KIF21B: variants seen among roughly 807,000 people sequenced by gnomAD.
KIF21B encodes kinesin family member 21B, also known as kinesin-like protein KIF21B.
A neutral mutation model predicts 192.9 loss-of-function variants in KIF21B; 85 were observed. The ratio of observed to expected loss-of-function variants is 0.44; its 90% CI spans 0.37 to 0.53. The LOEUF (loss-of-function observed/expected upper bound fraction) is 0.53, where lower values mean the gene tolerates loss of function less well. Among genes scored for constraint, KIF21B ranks in the 20% least tolerant of loss-of-function variants. The pLI is 0.00. For synonymous variants in KIF21B, 832 were observed against 884.6 expected (o/e 0.94, Z 1.05); for missense variants, 1,716 against 2,194.8 (o/e 0.78, Z 4.36).
intron 34 of KIF21B, chr1:200,974,341 G>A: frequency 1.1e-6 from 1 of 951,732 alleles, no homozygotes; most frequent in Non-Finnish European, 1.5e-6. Context: ...CCCACACAGG[G>A]GGCCAGAGCG....
chr1:201,002,093 G>C lies in KIF21B; in HGVS notation c.1402+68C>G, dbSNP rs936286553. Reference sequence around the variant, plus strand: ...TGGCTTAGTCCACCTGATACTCTGGGGTGGATGTCGGGGGAGGGAGTCCTA... The same window carrying C: ...TGGCTTAGTCCACCTGATACTCTGGCGTGGATGTCGGGGGAGGGAGTCCTA... On this transcript the variant is annotated intron_variant, in intron 9 of 34. Transcript: ENST00000461742. 22 of 1,380,916 alleles carry C rather than the reference G, an allele frequency of 1.6e-5. No individual in the cohort carries two copies. In the African/African-American group the frequency reaches 2.7e-4, roughly 17 times the overall value. 85.5% of individuals were successfully genotyped at this position (1,380,916 alleles called of 1,614,324 possible). A position where few individuals can be genotyped will look rare whatever the true frequency, so the allele number is the denominator to read the frequency against.
intron 1 of KIF21B, among the ~76,000 whole-genome samples, chr1:201,020,484 G>A (rs1432938082): frequency 6.6e-6 from 1 of 152,146 alleles, no homozygotes; most frequent in Non-Finnish European, 1.5e-5. Context: ...AGGGATCACA[G>A]GGCAGGCTGG....
At chr1:200,977,109 T>G in intron 31 of KIF21B, 103 bp downstream of exon 31, 3 of 1,369,054 alleles carry the variant, frequency 2.2e-6, no homozygotes, top group Admixed American at 2.0e-5. Context: ...ATAAAGGTGT[T>G]GCTGAGGTCC....
chr1:200,990,870 C>T lies in KIF21B; in HGVS notation c.2687+47G>A. The T allele has an allele frequency of 6.2e-7, 1 of 1,609,618 alleles. No individual in the cohort carries two copies. The highest frequency in any genetic ancestry group is 8.5e-7 in the Non-Finnish European group (1 of 1,176,386). On this transcript the variant is annotated intron_variant, in intron 18 of 34. Transcript: ENST00000461742. The surrounding 1 kb of genome is among the most constrained non-coding windows in gnomAD (Gnocchi z 5.4). The stretch of plus-strand genomic sequence containing the variant: ...CTCACCCTGGCCCTGCCCCATATTC[C>T]CACCCCCTCTGCCTGCACAGGCCAG...
chr1:200,977,414 A>C, intron 30 of KIF21B, 38 bp from the exon 31 acceptor site: 1 of 1,606,998 alleles, frequency 6.2e-7, no homozygotes, highest in Non-Finnish European at 8.5e-7. Flanking sequence ...AGGTCAAAAC[A>C]ATCCATGTGC....
chr1:201,000,067 G>A lies in KIF21B; in HGVS notation c.1686-103C>T. On this transcript the variant is annotated intron_variant, in intron 11 of 34. Transcript: ENST00000461742. The surrounding 1 kb of genome is among the most constrained non-coding windows in gnomAD (Gnocchi z 6.0). ...CAGAAAAGGAAGGCTCTCACCAGAGGCCGGGGAGAGCACTGGCTCCTACTC... is the reference window on the plus strand; with the variant it reads ...CAGAAAAGGAAGGCTCTCACCAGAGACCGGGGAGAGCACTGGCTCCTACTC... 9.8e-7 allele frequency: 1 copy of A among 1,019,946 alleles called. No homozygotes were observed. The highest frequency in any genetic ancestry group is 1.5e-6 in the Non-Finnish European group (1 of 659,270). The allele number at this position is 1,019,946 out of a possible 1,614,324, so 63.2% of individuals were successfully genotyped here. A position where few individuals can be genotyped will look rare whatever the true frequency, so the allele number is the denominator to read the frequency against.
rs371087544 is a variant in KIF21B, at chr1:200,973,361, T to C, written c.*160A>G. The stretch of plus-strand genomic sequence containing the variant: ...AGGCAGGGGAGGGATGAGGGAACAG[T>C]GTCCTGTGGGAAGGCCAAGGGAGAG... On this transcript the variant is annotated 3_prime_UTR_variant, in exon 35 of 35. Coordinates refer to ENST00000461742, the MANE Select transcript of KIF21B (RefSeq NM_001252102.2). 7.4e-6 allele frequency: 6 copies of C among 812,906 alleles called. No individual in the cohort carries two copies. The highest frequency in any genetic ancestry group is 5.9e-5 in the South Asian group (2 of 33,966). 50.4% of individuals were successfully genotyped at this position (812,906 alleles called of 1,614,324 possible).
intron 30 of KIF21B, among the ~76,000 whole-genome samples, chr1:200,978,451 T>G (rs1655709821): frequency 6.6e-6 from 1 of 151,654 alleles, no homozygotes; most frequent in South Asian, 2.1e-4. Context: ...ATGCCCCTGC[T>G]CCCACACAGG....
Position 200,973,412 on chromosome 1 carries a change from G to A in KIF21B, c.*109C>T, listed in dbSNP as rs1168763159. On this transcript the variant is annotated 3_prime_UTR_variant, in exon 35 of 35. Coordinates refer to ENST00000461742, the MANE Select transcript of KIF21B (RefSeq NM_001252102.2). ...GGAGGAGGGCAGGAGAGGGGGCCAC[G>A]CCCTCTGTCCCCAGAGCAGCTGGCC... 2.3e-6 allele frequency: 3 copies of A among 1,299,364 alleles called. No individual in the cohort carries two copies. Among genetic ancestry groups the A allele is most frequent in the Admixed American group, 3.8e-5 (1 of 25,986 alleles). 80.5% of individuals were successfully genotyped at this position (1,299,364 alleles called of 1,614,324 possible). A position where few individuals can be genotyped will look rare whatever the true frequency, so the allele number is the denominator to read the frequency against.
intron 1 of KIF21B, among the ~76,000 whole-genome samples, chr1:201,015,740 C>T (rs1362923098): frequency 6.6e-6 from 1 of 152,180 alleles, no homozygotes; most frequent in African/African-American, 2.4e-5. Flanking sequence ...GGTGACTTAC[C>T]AGGCACCAGC....
chr1:200,972,123 G>T lies in KIF21B; in HGVS notation c.*1398C>A, dbSNP rs1006626244. The T allele has an allele frequency of 6.6e-6, 1 of 152,170 alleles. No individual in the cohort carries two copies. The highest frequency in any genetic ancestry group is 2.4e-5 in the African/African-American group (1 of 41,404). 9.4% of individuals were successfully genotyped at this position (152,170 alleles called of 1,614,324 possible). On this transcript the variant is annotated 3_prime_UTR_variant, in exon 35 of 35. Transcript: ENST00000461742. The stretch of plus-strand genomic sequence containing the variant: ...CAAGGCCCACTCCTGTAATTCCAGA[G>T]TTCCCCCAACAGGGGGCGCCAGAAC...
At position 200,972,018 on chromosome 1, in the gene KIF21B, C is replaced by T. The variant is rs1015012054; in HGVS notation, c.*1503G>A. On this transcript the variant is annotated 3_prime_UTR_variant, in exon 35 of 35. Coordinates refer to ENST00000461742, the MANE Select transcript of KIF21B (RefSeq NM_001252102.2). Reference sequence around the variant, plus strand: ...CCAGACTGAAGCGGGAAGCACAAGACCAGCGATGCAACGGAAAAACAGGGT... The same window carrying T: ...CCAGACTGAAGCGGGAAGCACAAGATCAGCGATGCAACGGAAAAACAGGGT... 3 of 150,670 alleles carry T rather than the reference C, an allele frequency of 2.0e-5. No individual in the cohort carries two copies. The highest frequency in any genetic ancestry group is 7.4e-5 in the African/African-American group (3 of 40,814). 9.3% of individuals were successfully genotyped at this position (150,670 alleles called of 1,614,324 possible).
rs184164424 is a variant in KIF21B at position 200,983,319 on chromosome 1, G to A, written c.3804-225C>T. On this transcript the variant is annotated intron_variant, in intron 27 of 34. Transcript: ENST00000461742. ...CAGGAGTGGGCTGCCAGGGTCTCTC[G>A]GCTGGCAAGGGAGGAGCGAGGAGGG... Among the ~76,000 whole-genome samples, 566 of 152,182 alleles carry A rather than the reference G, an allele frequency of 3.7e-3. 1 individual carries two copies. Among genetic ancestry groups the A allele is most frequent in the Non-Finnish European group, 5.8e-3 (397 of 67,984 alleles).
intron 1 of KIF21B, among the ~76,000 whole-genome samples, chr1:201,012,798 C>T (rs1279520951): frequency 6.6e-6 from 1 of 152,162 alleles, no homozygotes; most frequent in Non-Finnish European, 1.5e-5. Context: ...CACGCACCAT[C>T]ATGCCCATCT....
rs761625663 is a variant in KIF21B at position 201,000,573 on chromosome 1, G to T, written c.1502C>A (p.Ser501Tyr). Reference sequence around the variant, plus strand: ...GGCCCGTGAGAGGCTGCGGCGCAGGGACTCGTTCATGGCTTCACTCTCTAG... The same window carrying T: ...GGCCCGTGAGAGGCTGCGGCGCAGGTACTCGTTCATGGCTTCACTCTCTAG... ...KLLESEAMNE[S>Y]LRRSLSRASA... Residue 501 changes from serine (S) to tyrosine (Y), a missense_variant, in exon 11 of 35, where the codon TCC (serine) becomes TAC (tyrosine). Ser to Tyr is a moderately radical substitution (Grantham distance 144). Around this residue, in one of 3 missense-constraint regions of KIF21B, gnomAD observed 1,087 missense variants for 1,316.6 expected, o/e 0.83. Transcript: ENST00000461742. The surrounding 1 kb of genome is among the most constrained non-coding windows in gnomAD (Gnocchi z 6.0). 1.2e-6 allele frequency: 2 copies of T among 1,613,436 alleles called. No homozygotes were observed. The highest frequency in any genetic ancestry group is 1.7e-6 in the Non-Finnish European group (2 of 1,179,898).
Position 200,999,328 on chromosome 1 carries a change from C to CCA in KIF21B, c.1885+19_1885+20dup. 1 of 1,614,048 alleles carries CCA rather than the reference C, an allele frequency of 6.2e-7. No homozygotes were observed. The highest frequency in any genetic ancestry group is 8.5e-7 in the Non-Finnish European group (1 of 1,180,012). ...AGCCAGGCATTGCATCCCCCACAGCCCACAGCTCAGGCCCACGCACCCTTC... is the reference window on the plus strand; with the variant it reads ...AGCCAGGCATTGCATCCCCCACAGCCCACACAGCTCAGGCCCACGCACCCTTC... On this transcript the variant is annotated intron_variant, in intron 13 of 34. Transcript: ENST00000461742. The surrounding 1 kb of genome is among the most constrained non-coding windows in gnomAD (Gnocchi z 4.7).
chr1:200,988,476 C>T lies in KIF21B; in HGVS notation c.3350+17G>A, dbSNP rs755552652. The T allele has an allele frequency of 5.0e-6, 8 of 1,611,036 alleles. No homozygotes were observed. In the African/African-American group the frequency reaches 6.7e-5, roughly 13 times the overall value. On this transcript the variant is annotated intron_variant, in intron 23 of 34. Coordinates refer to ENST00000461742, the MANE Select transcript of KIF21B (RefSeq NM_001252102.2). The stretch of plus-strand genomic sequence containing the variant: ...CATGCTGTGAGCCAGCCTCTCACTC[C>T]CAGCTTGCAAACTCACCTGCCCTCA...
intron 27 of KIF21B, 115 bp from the exon 28 acceptor site, chr1:200,983,209 G>A (rs910132351): frequency 2.1e-5 from 18 of 856,462 alleles, no homozygotes; most frequent in Middle Eastern, 3.1e-4. Context: ...CTCTTCCAGC[G>A]GAGCAGAGAC....
At position 201,005,391 on chromosome 1, in the gene KIF21B, G is replaced by C. The variant is rs745771628; in HGVS notation, c.649C>G (p.Gln217Glu). The part of the protein sequence containing the change: ...GALSRTTAST[Q>E]MNVQSSRSHA... ...GAGCGTGAGCTCTGCACGTTCATCT[G>C]GGTGCTGGCTGTGGTGCGGGACAGG... Residue 217 changes from glutamine to glutamate, a missense_variant, in exon 5 of 35, where the codon CAG (glutamine) becomes GAG (glutamate). Physicochemically the swap from Gln to Glu is conservative, Grantham distance 29 (BLOSUM62 2). Transcript: ENST00000461742. 1.2e-6 allele frequency: 2 copies of C among 1,613,434 alleles called. No individual in the cohort carries two copies. The highest frequency in any genetic ancestry group is 4.5e-5 in the East Asian group (2 of 44,888).
Sources: gnomAD v4.1 joint callset for allele counts (sites outside exome capture counted in the v4.1 genomes callset) on GRCh38, gnomAD v4.1.1 for gene constraint, gnomAD v4.1.1 regional missense constraint, Gnocchi (gnomAD v3.1) non-coding constraint, MANE v1.5 for transcripts, NCBI Gene and HGNC (gene_info 2026-07-23, HGNC 2026-07-21) for gene names.